REEP1: variants seen among roughly 807,000 people sequenced by gnomAD.
REEP1 encodes the protein receptor expression-enhancing protein 1.
Under a neutral mutation model 40.3 loss-of-function variants are expected in REEP1, and 22 were observed. The ratio of observed to expected loss-of-function variants is 0.55; its 90% CI spans 0.39 to 0.78. The LOEUF (loss-of-function observed/expected upper bound fraction) is 0.78. Among genes scored for constraint, REEP1 ranks in the 30% least tolerant of loss-of-function variants. The pLI, the probability that REEP1 is intolerant of heterozygous loss-of-function variation, is 0.00. For synonymous variants in REEP1, 116 were observed against 139.2 expected, an observed-to-expected ratio of 0.83 and a Z score of 1.17; for missense variants, 280 against 361.1, an observed-to-expected ratio of 0.78 and a Z score of 1.82.
chr2:86,317,161 G>T (rs1484633637), intron 1 of REEP1, among the ~76,000 whole-genome samples: 1 of 152,004 alleles, frequency 6.6e-6, no homozygotes, highest in African/African-American at 2.4e-5. Flanking sequence ...CCACACAGCC[G>T]ACCCGGACTC....
intron 1 of REEP1, among the ~76,000 whole-genome samples, chr2:86,315,339 T>G (rs145374648): frequency 6.6e-6 from 1 of 152,332 alleles, no homozygotes; most frequent in Non-Finnish European, 1.5e-5. Flanking sequence ...TGCTCTCGTT[T>G]GTCTGGCTCC....
At chr2:86,258,867 C>T (rs900622011) in intron 3 of REEP1, among the ~76,000 whole-genome samples, 12 of 152,148 alleles carry the variant, frequency 7.9e-5, no homozygotes, top group Admixed American at 2.6e-4. Context: ...GTCCTCTCCC[C>T]ACTCTCCCCA....
At chr2:86,248,581 G>C (rs528314064) in intron 5 of REEP1, among the ~76,000 whole-genome samples, 1 of 152,226 alleles carries the variant, frequency 6.6e-6, no homozygotes, top group South Asian at 2.1e-4. Context: ...CTCCCAGGTA[G>C]CTGGGACTAT....
At chr2:86,252,824 C>T (rs1377451535) in intron 4 of REEP1, among the ~76,000 whole-genome samples, 1 of 152,158 alleles carries the variant, frequency 6.6e-6, no homozygotes, top group Non-Finnish European at 1.5e-5. Flanking sequence ...AGAAGTCATC[C>T]AGTGTCATGC....
At chr2:86,327,626 G>A (rs2104532249) in intron 1 of REEP1, among the ~76,000 whole-genome samples, 1 of 150,050 alleles carries the variant, frequency 6.7e-6, no homozygotes, top group Middle Eastern at 3.5e-3. Context: ...GGAGTACAGT[G>A]GCGTGATCTC....
intron 3 of REEP1, 66 bp downstream of exon 3, chr2:86,263,899 C>A (rs1676996995): frequency 1.3e-5 from 16 of 1,228,852 alleles, no homozygotes; most frequent in Non-Finnish European, 1.8e-5. Flanking sequence ...AGCCCTTTCC[C>A]ACCTCCCCCT....
chr2:86,219,410 A>G (rs1674294661), intron 8 of REEP1, among the ~76,000 whole-genome samples: 1 of 151,822 alleles, frequency 6.6e-6, no homozygotes. Flanking sequence ...AAAACAATAA[A>G]GACCTAGATA....
At chr2:86,248,095 A>C (rs1676068056) in intron 5 of REEP1, among the ~76,000 whole-genome samples, 1 of 152,248 alleles carries the variant, frequency 6.6e-6, no homozygotes, top group Non-Finnish European at 1.5e-5. Context: ...AAAAGAAGAC[A>C]GAAGGAGGAA....
chr2:86,259,271 A>C (rs1676731939), intron 3 of REEP1, among the ~76,000 whole-genome samples: 1 of 152,088 alleles, frequency 6.6e-6, no homozygotes, highest in Admixed American at 6.5e-5. Flanking sequence ...TCTAAAAAAA[A>C]AAACAGTGGT....
At chr2:86,327,634 C>T (rs1213268650) in intron 1 of REEP1, among the ~76,000 whole-genome samples, 1 of 148,490 alleles carries the variant, frequency 6.7e-6, no homozygotes, top group East Asian at 2.0e-4. Context: ...GTGGCGTGAT[C>T]TCGGCTCACT....
chr2:86,297,207 G>T (rs940947396), intron 1 of REEP1, among the ~76,000 whole-genome samples: 1 of 152,176 alleles, frequency 6.6e-6, no homozygotes, highest in African/African-American at 2.4e-5. Context: ...GTTCTGCCTG[G>T]CTGTGAAGCC....
At chr2:86,297,479 G>A (rs1679040652) in intron 1 of REEP1, among the ~76,000 whole-genome samples, 1 of 152,220 alleles carries the variant, frequency 6.6e-6, no homozygotes, top group Non-Finnish European at 1.5e-5. Flanking sequence ...CATGGACTAT[G>A]GTGTCCCACC....
chr2:86,258,525 GGGCGTGGGAT>G (rs1274938041), intron 3 of REEP1, among the ~76,000 whole-genome samples: 5 of 152,140 alleles, frequency 3.3e-5, no homozygotes, highest in Admixed American at 6.5e-5. Context: ...TGAAGTGTAG[GGGCGTGGGAT>G]GGAGGGGAAC....
intron 1 of REEP1, among the ~76,000 whole-genome samples, chr2:86,311,631 T>G (rs187311396): frequency 1.0e-3 from 156 of 152,292 alleles, no homozygotes; most frequent in Non-Finnish European, 1.8e-3. Context: ...GATTTTCTTT[T>G]TATAAGGATA....
At chr2:86,333,704 G>C (rs187323151) in intron 1 of REEP1, among the ~76,000 whole-genome samples, 4 of 152,134 alleles carry the variant, frequency 2.6e-5, no homozygotes, top group African/African-American at 9.7e-5. Flanking sequence ...CTCCAAAAGG[G>C]TGCACAAAAA....
At chr2:86,280,602 T>C (rs1249475676) in intron 2 of REEP1, among the ~76,000 whole-genome samples, 3 of 152,216 alleles carry the variant, frequency 2.0e-5, no homozygotes, top group African/African-American at 4.8e-5. Flanking sequence ...GCCAAGTCAA[T>C]TGAGAATCAG....
chr2:86,220,580 C>G (rs1432863316), intron 7 of REEP1, among the ~76,000 whole-genome samples: 1 of 152,186 alleles, frequency 6.6e-6, no homozygotes, highest in East Asian at 1.9e-4. Context: ...GTTGTACATA[C>G]AAGCCATGTT....
chr2:86,258,337 G>A (rs751362913), intron 3 of REEP1, among the ~76,000 whole-genome samples: 1 of 152,200 alleles, frequency 6.6e-6, no homozygotes, highest in Non-Finnish European at 1.5e-5. Flanking sequence ...TATGCACAAT[G>A]ATTTATTAAT....
chr2:86,274,310 G>A (rs1173373155), intron 2 of REEP1, among the ~76,000 whole-genome samples: 5 of 152,290 alleles, frequency 3.3e-5, no homozygotes, highest in Admixed American at 1.3e-4. Context: ...ATTGCCCAAC[G>A]GATTCCTAGA....
Sources: allele counts gnomAD v4.1 joint callset (sites outside exome capture counted in the v4.1 genomes callset), GRCh38; gene constraint gnomAD v4.1.1; transcripts MANE v1.5; gene names NCBI Gene and HGNC (gene_info 2026-07-23, HGNC 2026-07-21).